The following RAPGEF5 variants were observed in gnomAD, a reference collection of about 807,000 sequenced individuals.
RAPGEF5 encodes Rap guanine nucleotide exchange factor 5.
A neutral mutation model predicts 125.2 loss-of-function variants in RAPGEF5; 65 were observed. The observed-to-expected ratio is 0.52, with a 90% CI of 0.43 to 0.64. The LOEUF is 0.64. Ranked by LOEUF, RAPGEF5 falls within the 30% of genes least tolerant of loss-of-function variation. The pLI is 0.00. For missense variants in RAPGEF5, 958 were observed against 1,048.1 expected, an observed-to-expected ratio of 0.91 and a Z score of 1.19; for synonymous variants, 391 against 385.9, an observed-to-expected ratio of 1.01 and a Z score of -0.16.
At chr7:22,248,284 G>A (rs745924350) in intron 7 of RAPGEF5, among the ~76,000 whole-genome samples, 1 of 152,150 alleles carries the variant, frequency 6.6e-6, no homozygotes, top group Admixed American at 6.5e-5. Flanking sequence ...GGCTAACCAC[G>A]AAATTAGTTG....
chr7:22,244,237 T>G (rs1203722505), intron 7 of RAPGEF5, among the ~76,000 whole-genome samples: 1 of 152,154 alleles, frequency 6.6e-6, no homozygotes, highest in African/African-American at 2.4e-5. Flanking sequence ...CCATATTTTA[T>G]TCATTCATCT....
At chr7:22,269,771 T>C (rs1350334487) in intron 6 of RAPGEF5, among the ~76,000 whole-genome samples, 2 of 152,220 alleles carry the variant, frequency 1.3e-5, no homozygotes, top group Non-Finnish European at 2.9e-5. Context: ...AAAAGAAATG[T>C]CATACTCCAG....
At chr7:22,262,308 G>T (rs999259568) in intron 7 of RAPGEF5, among the ~76,000 whole-genome samples, 1 of 152,146 alleles carries the variant, frequency 6.6e-6, no homozygotes, top group Non-Finnish European at 1.5e-5. Context: ...ATAAGCACTT[G>T]AGAAGATCAA....
rs993290075 is a variant in RAPGEF5, at chr7:22,299,822, C to T, written c.680+8517G>A. Among the ~76,000 whole-genome samples the T allele has an allele frequency of 7.9e-5, 12 of 151,426 alleles. 1 individual carries two copies. Among genetic ancestry groups the T allele is most frequent in the Admixed American group, 5.3e-4 (8 of 15,190 alleles). ...AAGACTTTCTTCCACTGGCTTCTGG[C>T]CTCCATGGTTTCTAACATAAAACCT... On this transcript the variant is annotated intron_variant, in intron 5 of 25. Transcript: ENST00000665637.
intron 11 of RAPGEF5, 28 bp from the exon 12 acceptor site, chr7:22,167,176 G>C: frequency 6.4e-7 from 1 of 1,561,314 alleles, no homozygotes; most frequent in South Asian, 1.1e-5. Flanking sequence ...ACAAACACAA[G>C]GTAAGCAAAG....
At chr7:22,256,992 T>C (rs897320418) in intron 7 of RAPGEF5, among the ~76,000 whole-genome samples, 1 of 152,210 alleles carries the variant, frequency 6.6e-6, no homozygotes. Context: ...CTTACAGCCT[T>C]TAATTATTCA....
chr7:22,312,911 C>T (rs1783506376), intron 3 of RAPGEF5, among the ~76,000 whole-genome samples: 1 of 152,134 alleles, frequency 6.6e-6, no homozygotes, highest in Non-Finnish European at 1.5e-5. Flanking sequence ...GTTAAAATAC[C>T]TAAATCCACA....
chr7:22,137,394 T>C (rs4722101), intron 21 of RAPGEF5, among the ~76,000 whole-genome samples: 83,776 of 152,038 alleles, frequency 0.55, 23,467 homozygotes, highest in African/African-American at 0.66. Flanking sequence ...TTCACAGCAT[T>C]GGGCTAAATA....
At chr7:22,141,464 C>T (rs1783258403) in intron 20 of RAPGEF5, among the ~76,000 whole-genome samples, 1 of 152,212 alleles carries the variant, frequency 6.6e-6, no homozygotes, top group African/African-American at 2.4e-5. Flanking sequence ...AGTAGGGAGA[C>T]CCATAGCAGC....
intron 17 of RAPGEF5, among the ~76,000 whole-genome samples, chr7:22,154,005 C>T (rs777147526): frequency 2.5e-4 from 38 of 152,118 alleles, no homozygotes; most frequent in Non-Finnish European, 5.3e-4. Context: ...GGAATATTGC[C>T]GTGTGAGCTT....
At chr7:22,215,104 T>C (rs943317076) in intron 9 of RAPGEF5, among the ~76,000 whole-genome samples, 1 of 152,164 alleles carries the variant, frequency 6.6e-6, no homozygotes, top group African/African-American at 2.4e-5. Flanking sequence ...TCATTATTTC[T>C]AGAATGAAGT....
intron 7 of RAPGEF5, among the ~76,000 whole-genome samples, chr7:22,254,287 G>A (rs1377111484): frequency 6.6e-6 from 1 of 151,694 alleles, no homozygotes; most frequent in African/African-American, 2.4e-5. Context: ...CTGGAAAGCT[G>A]GGACTTTAGA....
chr7:22,259,203 C>T (rs1782085985), intron 7 of RAPGEF5, among the ~76,000 whole-genome samples: 3 of 152,132 alleles, frequency 2.0e-5, no homozygotes. Flanking sequence ...GACCTGAACA[C>T]ATACCTCAAC....
chr7:22,178,189 T>G (rs1018621517), intron 11 of RAPGEF5, among the ~76,000 whole-genome samples: 7 of 152,234 alleles, frequency 4.6e-5, no homozygotes, highest in Non-Finnish European at 1.0e-4. Flanking sequence ...ATATTTATAT[T>G]TTTTAAAATT....
chr7:22,346,042 C>T (rs17146702), intron 1 of RAPGEF5, among the ~76,000 whole-genome samples: 11,196 of 152,210 alleles, frequency 0.074, 651 homozygotes, highest in East Asian at 0.3. Flanking sequence ...ATATTAAACA[C>T]CCATCTTTCC....
chr7:22,145,273 G>A (rs983137769), intron 19 of RAPGEF5, 51 bp from the exon 20 acceptor site: 1 of 1,516,978 alleles, frequency 6.6e-7, no homozygotes, highest in Non-Finnish European at 8.9e-7. Flanking sequence ...AAGTATGGTT[G>A]ATACAAAACT....
intron 1 of RAPGEF5, among the ~76,000 whole-genome samples, chr7:22,345,674 A>G (rs961449788): frequency 7.0e-6 from 1 of 143,658 alleles, no homozygotes; most frequent in African/African-American, 2.6e-5. Flanking sequence ...TACTCAAGGT[A>G]GATTAGAACA....
chr7:22,229,651 A>T (rs766034964), intron 8 of RAPGEF5, among the ~76,000 whole-genome samples: 4 of 152,184 alleles, frequency 2.6e-5, no homozygotes, highest in Non-Finnish European at 5.9e-5. Flanking sequence ...GCATGACTTG[A>T]ACTACTTATT....
intron 5 of RAPGEF5, among the ~76,000 whole-genome samples, chr7:22,297,789 A>G (rs1028401391): frequency 6.6e-6 from 1 of 152,172 alleles, no homozygotes; most frequent in African/African-American, 2.4e-5. Flanking sequence ...CACTGGCCTG[A>G]GTGGAAGAGG....
Sources: gnomAD v4.1 joint callset for allele counts (sites outside exome capture counted in the v4.1 genomes callset) on GRCh38, gnomAD v4.1.1 for gene constraint, MANE v1.5 for transcripts, NCBI Gene and HGNC (gene_info 2026-07-23, HGNC 2026-07-21) for gene names.